Variants in WASF1 observed in about 807,000 individuals in gnomAD.
The protein encoded by WASF1 is actin-binding protein WASF1.
In WASF1, 7 loss-of-function variants were observed where a neutral mutation model predicts 50.5. The ratio of observed to expected loss-of-function variants is 0.14; its 90% CI spans 0.08 to 0.26. WASF1 has a LOEUF of 0.26. WASF1 is among the 10% of genes least tolerant of loss of function. The pLI, the probability that WASF1 is intolerant of heterozygous loss-of-function variation, is 1.00. For missense variants in WASF1, 470 were observed against 694.7 expected (o/e 0.68, Z 3.64); for synonymous variants, 205 against 244.0 (o/e 0.84, Z 1.49).
Position 110,175,291 on chromosome 6 carries a change from C to A in WASF1, c.-127+3307G>T, listed in dbSNP as rs114083769. ...GCTCAAAATAAGGAAACAAAGGAAA[C>A]AATCCAAAAGAAAAATCCTGTTTCT... On this transcript the variant is annotated intron_variant, in intron 2 of 10. Transcript: ENST00000392589. Among the ~76,000 whole-genome samples the A allele has an allele frequency of 6.0e-3, 916 of 152,150 alleles. 12 individuals are homozygous for A. Among genetic ancestry groups the A allele is most frequent in the African/African-American group, 0.021 (873 of 41,520 alleles).
At chr6:110,150,267 T>C (rs991045075) in intron 3 of WASF1, among the ~76,000 whole-genome samples, 4 of 152,096 alleles carry the variant, frequency 2.6e-5, no homozygotes, top group Admixed American at 6.5e-5. Context: ...AGCAAAAATA[T>C]GTAACAGAAA....
chr6:110,177,627 A>G (rs1302970142), intron 2 of WASF1, among the ~76,000 whole-genome samples: 1 of 152,134 alleles, frequency 6.6e-6, no homozygotes, highest in African/African-American at 2.4e-5. Context: ...ACCAAGGCAC[A>G]AAGGTGTCCA....
chr6:110,144,508 T>C (rs916745866), intron 3 of WASF1, among the ~76,000 whole-genome samples: 1 of 152,238 alleles, frequency 6.6e-6, no homozygotes, highest in Non-Finnish European at 1.5e-5. Context: ...TTGCCATTGC[T>C]TTTGGTGTTT....
chr6:110,101,749 C>T lies in WASF1; in HGVS notation c.1361G>A (p.Gly454Glu), dbSNP rs757138381. The T allele has an allele frequency of 1.2e-6, 2 of 1,613,688 alleles. No individual in the cohort carries two copies. Among genetic ancestry groups the T allele is most frequent in the Non-Finnish European group, 1.7e-6 (2 of 1,179,982 alleles). ...GGCAGTAGATGGAGTTGGATGTAGCCCAGAGGGAGGATGAGCAAGAGCTGT... is the reference window on the plus strand; with the variant it reads ...GGCAGTAGATGGAGTTGGATGTAGCTCAGAGGGAGGATGAGCAAGAGCTGT... ...TVTALAHPPS[G>E]LHPTPSTAPG... The change falls in exon 10 of 11, where the codon GGG becomes GAG. Residue 454 changes from glycine to glutamate, a missense_variant. Around this residue, in one of 3 missense-constraint regions of WASF1, gnomAD observed 294 missense variants for 343.5 expected, o/e 0.86. Transcript: ENST00000392589.
intron 2 of WASF1, among the ~76,000 whole-genome samples, chr6:110,164,209 C>T (rs1463196463): frequency 6.6e-6 from 1 of 151,520 alleles, no homozygotes; most frequent in Non-Finnish European, 1.5e-5. Flanking sequence ...GTAAGTTGGA[C>T]TTCATTAAAA....
intron 4 of WASF1, among the ~76,000 whole-genome samples, chr6:110,116,899 G>C (rs1773837479): frequency 6.6e-6 from 1 of 152,068 alleles, no homozygotes; most frequent in South Asian, 2.1e-4. Context: ...AGGGTCTGGA[G>C]TGGACCTCAA....
chr6:110,148,887 C>T (rs1439056197), intron 3 of WASF1, among the ~76,000 whole-genome samples: 1 of 152,182 alleles, frequency 6.6e-6, no homozygotes, highest in Non-Finnish European at 1.5e-5. Context: ...TAGAAGGAAA[C>T]AGGCTAATAA....
At chr6:110,131,181 T>G (rs537680607) in intron 3 of WASF1, among the ~76,000 whole-genome samples, 30 of 152,314 alleles carry the variant, frequency 2.0e-4, no homozygotes, top group African/African-American at 7.2e-4. Context: ...GTAGGGATAT[T>G]CTCAATCTTT....
At chr6:110,171,079 G>A (rs1429892908) in intron 2 of WASF1, among the ~76,000 whole-genome samples, 3 of 152,072 alleles carry the variant, frequency 2.0e-5, no homozygotes, top group African/African-American at 7.2e-5. Context: ...TCAATCAACT[G>A]GATCTAACTG....
chr6:110,142,014 C>T (rs763639969), intron 3 of WASF1, among the ~76,000 whole-genome samples: 5 of 152,250 alleles, frequency 3.3e-5, no homozygotes, highest in South Asian at 2.1e-4. Flanking sequence ...GATCCACCCG[C>T]CTCACACATA....
chr6:110,160,676 A>C lies in WASF1; in HGVS notation c.-70T>G, dbSNP rs1776227285. The C allele has an allele frequency of 6.6e-6, 1 of 151,790 alleles. No individual in the cohort carries two copies. Among genetic ancestry groups the C allele is most frequent in the Non-Finnish European group, 1.5e-5 (1 of 67,774 alleles). 9.4% of individuals were successfully genotyped at this position (151,790 alleles called of 1,614,324 possible). A position where few individuals can be genotyped will look rare whatever the true frequency, so the allele number is the denominator to read the frequency against. ...ATTTTGCAGCCATAGCTTCCACTGC[A>C]ACTTTACTCCAACAGCTATCATCAA... On this transcript the variant is annotated 5_prime_UTR_variant, in exon 3 of 11. Transcript: ENST00000392589.
intron 2 of WASF1, among the ~76,000 whole-genome samples, chr6:110,168,027 T>C (rs1776547445): frequency 6.6e-6 from 1 of 152,076 alleles, no homozygotes; most frequent in Admixed American, 6.6e-5. Context: ...AGTAGCATCT[T>C]ATGTTAATAT....
In WASF1 at chr6:110,107,324, A is replaced by G. The variant is rs1773366347; in HGVS notation, c.423-130T>C. ...GCATGTTAAAATAGTGCCAAAATAA[A>G]ACTGAATATTGCACCAATAGAAAAT... On this transcript the variant is annotated intron_variant, in intron 6 of 10. Coordinates refer to ENST00000392589, the MANE Select transcript of WASF1 (RefSeq NM_003931.3). The G allele has an allele frequency of 1.0e-5, 6 of 581,426 alleles. No homozygotes were observed. In the Admixed American group the frequency reaches 2.3e-4, roughly 22 times the overall value. 36.0% of individuals were successfully genotyped at this position (581,426 alleles called of 1,614,324 possible). A position where few individuals can be genotyped will look rare whatever the true frequency, so the allele number is the denominator to read the frequency against.
intron 3 of WASF1, among the ~76,000 whole-genome samples, chr6:110,130,210 T>C (rs2114522644): frequency 6.6e-6 from 1 of 152,258 alleles, no homozygotes; most frequent in Non-Finnish European, 1.5e-5. Context: ...ACATGAAATG[T>C]AGAGAAAAAA....
intron 4 of WASF1, among the ~76,000 whole-genome samples, chr6:110,121,184 A>G (rs1774102895): frequency 1.3e-5 from 2 of 152,224 alleles, no homozygotes; most frequent in Non-Finnish European, 1.5e-5. Flanking sequence ...AAATAGACAC[A>G]TGGGATCTAA....
At position 110,141,442 on chromosome 6, in the gene WASF1, TG is replaced by T. The variant is rs540833628; in HGVS notation, c.-28-13814del. Among the ~76,000 whole-genome samples the T allele has an allele frequency of 1.9e-3, 291 of 152,336 alleles. 2 individuals are homozygous for T. Among genetic ancestry groups the T allele is most frequent in the Non-Finnish European group, 3.6e-3 (247 of 68,020 alleles). ...CTAGACTCAGGCAGCAACTCTTTTC[TG>T]AAGACTAACTGAATCCCCCAGGCAG... On this transcript the variant is annotated intron_variant, in intron 3 of 10. Coordinates refer to ENST00000392589, the MANE Select transcript of WASF1 (RefSeq NM_003931.3).
chr6:110,110,342 C>G (rs149343036), intron 5 of WASF1, among the ~76,000 whole-genome samples: 2 of 152,242 alleles, frequency 1.3e-5, no homozygotes, highest in African/African-American at 4.8e-5. Flanking sequence ...GCCACAATAC[C>G]ACACGCTGTT....
intron 4 of WASF1, among the ~76,000 whole-genome samples, chr6:110,118,347 CAAAAAAAAAAAAAA>C (rs56948481): frequency 5.3e-4 from 4 of 7,494 alleles, no homozygotes; most frequent in South Asian, 6.5e-3. Flanking sequence ...AAACGGAAAG[CAAAAAAAAAAAAAA>C]AAAAAAAAAA....
chr6:110,126,558 GGAAAA>G (rs1042513631), intron 4 of WASF1, among the ~76,000 whole-genome samples: 49 of 152,148 alleles, frequency 3.2e-4, no homozygotes, highest in African/African-American at 1.2e-3. Flanking sequence ...AAAGTTAAAA[GGAAAA>G]GAAAAGAAAA....
Sources: allele counts gnomAD v4.1 joint callset (sites outside exome capture counted in the v4.1 genomes callset), GRCh38; gene constraint gnomAD v4.1.1; regional missense constraint gnomAD v4.1.1; transcripts MANE v1.5; gene names NCBI Gene and HGNC (gene_info 2026-07-23, HGNC 2026-07-21).